GSDMB: variants seen among roughly 807,000 people sequenced by gnomAD.
GSDMB encodes the protein gasdermin B.
A neutral mutation model predicts 42.9 loss-of-function variants in GSDMB; 32 were observed. The ratio of observed to expected loss-of-function variants is 0.75; its 90% CI spans 0.56 to 1.00. GSDMB has a LOEUF of 1.00. Among genes scored for constraint, GSDMB ranks in the 50% least tolerant of loss-of-function variants. GSDMB has a pLI of 0.00. For missense variants in GSDMB, 468 were observed against 498.5 expected (o/e 0.94, Z 0.58); for synonymous variants, 175 against 193.7 (o/e 0.90, Z 0.80).
chr17:39,906,280 GC>G lies in GSDMB; in HGVS notation c.728-10del, dbSNP rs753388352. On this transcript the variant is annotated splice_polypyrimidine_tract_variant and intron_variant, in intron 7 of 10. Coordinates refer to ENST00000418519, the MANE Select transcript of GSDMB (RefSeq NM_001165958.2). Reference sequence around the variant, plus strand: ...CGAACCCAAAGACTTTCCTGTAGAGGCAGCAATTGAGAACCTGGGCCACCCA... The same window carrying G: ...CGAACCCAAAGACTTTCCTGTAGAGGAGCAATTGAGAACCTGGGCCACCCA... The G allele has an allele frequency of 2.4e-5, 38 of 1,613,350 alleles. No homozygotes were observed. The highest frequency in any genetic ancestry group is 3.1e-5 in the Non-Finnish European group (36 of 1,179,760).
Position 39,909,928 on chromosome 17 carries a change from G to A in GSDMB, c.408-4C>T, listed in dbSNP as rs749260029. 125 of 1,608,202 alleles carry A rather than the reference G, an allele frequency of 7.8e-5. No homozygotes were observed. The highest frequency in any genetic ancestry group is 1.0e-4 in the Non-Finnish European group (122 of 1,175,226). On this transcript the variant is annotated splice_region_variant and splice_polypyrimidine_tract_variant and intron_variant, in intron 3 of 10. Coordinates refer to ENST00000418519, the MANE Select transcript of GSDMB (RefSeq NM_001165958.2). The stretch of plus-strand genomic sequence containing the variant: ...GGGTAGTTCCCTCTTCAGCTTCCTG[G>A]AGAGAGTGGAGAGAGATGAGAGTTA...
At position 39,906,572 on chromosome 17, in the gene GSDMB, C is replaced by T. The variant is rs2063508497; in HGVS notation, c.728-301G>A. On this transcript the variant is annotated intron_variant, in intron 7 of 10. Transcript: ENST00000418519. ...TATTTGGCCCTTGCCATTCAAAGTG[C>T]AGTCCTCAGGCCACACTAGAAGTAA... 2.2e-6 allele frequency: 3 copies of T among 1,346,278 alleles called. No individual in the cohort carries two copies. The African/African-American group carries it at 4.4e-5, about 20-fold the overall frequency. 83.4% of individuals were successfully genotyped at this position (1,346,278 alleles called of 1,614,324 possible).
Position 39,917,066 on chromosome 17 carries a change from T to C in GSDMB, c.235+16A>G, listed in dbSNP as rs371402792. 93 of 1,574,314 alleles carry C rather than the reference T, an allele frequency of 5.9e-5. No individual in the cohort carries two copies. Among genetic ancestry groups the C allele is most frequent in the Non-Finnish European group, 7.8e-5 (89 of 1,144,342 alleles). On this transcript the variant is annotated intron_variant, in intron 2 of 10. Coordinates refer to ENST00000418519, the MANE Select transcript of GSDMB (RefSeq NM_001165958.2). ...AGGCCTCCTGGCTGGCCACCTGTCA[T>C]CTACCTTATACTGACCTTGGAGCCC... is the stretch of plus-strand genomic sequence containing the variant.
At position 39,907,005 on chromosome 17, in the gene GSDMB, G is replaced by A. The variant is rs773691649; in HGVS notation, c.701-18C>T. 13 of 1,613,654 alleles carry A rather than the reference G, an allele frequency of 8.1e-6. No homozygotes were observed. Among genetic ancestry groups the A allele is most frequent in the African/African-American group, 1.3e-5 (1 of 74,914 alleles). ...ATCCTTCTCTGCAGAGAGAGGAAGA[G>A]TTATTTCAGAATCTTCAGATCACCT... On this transcript the variant is annotated intron_variant, in intron 6 of 10. Transcript: ENST00000418519.
chr17:39,906,570 T>A, intron 7 of GSDMB: 1 of 1,349,098 alleles, frequency 7.4e-7, no homozygotes, highest in Non-Finnish European at 9.5e-7. Context: ...CCATTCAAAG[T>A]GCAGTCCTCA....
Position 39,905,407 on chromosome 17 carries a change from T to G in GSDMB, c.1098+19A>C. The G allele has an allele frequency of 6.4e-7, 1 of 1,568,884 alleles. No homozygotes were observed. The highest frequency in any genetic ancestry group is 2.2e-5 in the East Asian group (1 of 44,540). ...TTCCCTTCCACTATGACCATGGCCC[T>G]CAGCCCAGGCTGTCTCACCTGGTCC... On this transcript the variant is annotated intron_variant, in intron 10 of 10. Transcript: ENST00000418519.
chr17:39,910,451 G>C (rs1409053474), intron 3 of GSDMB, among the ~76,000 whole-genome samples: 4 of 152,190 alleles, frequency 2.6e-5, no homozygotes, highest in Non-Finnish European at 5.9e-5. Flanking sequence ...GCAGAATTAC[G>C]TCCACTTTCC....
chr17:39,909,707 G>C (rs755292533), intron 4 of GSDMB, 49 bp downstream of exon 4: 35 of 1,521,644 alleles, frequency 2.3e-5, no homozygotes, highest in Non-Finnish European at 3.0e-5. Flanking sequence ...GACCTGCGGG[G>C]TGTGGGCCAA....
In GSDMB at chr17:39,912,081, G is replaced by A. The variant is rs149142005; in HGVS notation, c.407+245C>T. ...CTGGAGACTGCTCCTGGGTGAATGA[G>A]AAGGCTTCTGGAGGCAGAGAAGAGG... On this transcript the variant is annotated intron_variant, in intron 3 of 10. Coordinates refer to ENST00000418519, the MANE Select transcript of GSDMB (RefSeq NM_001165958.2). Among the ~76,000 whole-genome samples the A allele has an allele frequency of 5.7e-3, 863 of 152,214 alleles. 13 individuals are homozygous for A. Among genetic ancestry groups the A allele is most frequent in the African/African-American group, 0.019 (787 of 41,550 alleles).
intron 3 of GSDMB, among the ~76,000 whole-genome samples, chr17:39,910,323 C>A (rs2063585460): frequency 1.3e-5 from 2 of 152,024 alleles, no homozygotes; most frequent in African/African-American, 4.8e-5. Flanking sequence ...GACTCCACCT[C>A]AAAACAAATA....
chr17:39,916,559 G>T (rs143333604), intron 2 of GSDMB, among the ~76,000 whole-genome samples: 1 of 151,966 alleles, frequency 6.6e-6, no homozygotes, highest in African/African-American at 2.4e-5. Flanking sequence ...CAAAGTGCTG[G>T]GATTACAGGA....
chr17:39,905,107 G>T, intron 10 of GSDMB, 143 bp from the exon 11 acceptor site: 1 of 722,862 alleles, frequency 1.4e-6, no homozygotes. Flanking sequence ...AGCCCGGAGA[G>T]CTTCATACTC....
At chr17:39,908,324 C>CAAA (rs3076830) in intron 5 of GSDMB, 110 bp from the exon 6 acceptor site, 8,364 of 245,496 alleles carry the variant, frequency 0.034, 1,043 homozygotes, top group African/African-American at 0.23. Flanking sequence ...AGCCTCCAAT[C>CAAA]AAAAAAAAAA....
Position 39,904,611 on chromosome 17 carries a change from G to T in GSDMB, c.*201C>A, listed in dbSNP as rs1256703593. 4 of 500,228 alleles carry T rather than the reference G, an allele frequency of 8.0e-6. No individual in the cohort carries two copies. The highest frequency in any genetic ancestry group is 3.6e-5 in the Admixed American group (1 of 27,442). 31.0% of individuals were successfully genotyped at this position (500,228 alleles called of 1,614,324 possible). On this transcript the variant is annotated 3_prime_UTR_variant, in exon 11 of 11. Coordinates refer to ENST00000418519, the MANE Select transcript of GSDMB (RefSeq NM_001165958.2). ...AAGACAAAATTAACATGCACAACCT[G>T]CCACTTTTAATCAGAAGTCCATGTA... is the stretch of plus-strand genomic sequence containing the variant.
chr17:39,916,261 C>T (rs1004142649), intron 2 of GSDMB, among the ~76,000 whole-genome samples: 4 of 148,198 alleles, frequency 2.7e-5, no homozygotes, highest in African/African-American at 7.5e-5. Flanking sequence ...AAATGATTCA[C>T]GTAATTTGTT....
chr17:39,904,833 C>T lies in GSDMB; in HGVS notation c.1230G>A (p.Gly410=), dbSNP rs776028728. ...VVSILLELAE[G]PTSVSS is the part of the protein sequence containing the mutation. ...GTAGTTAGGAAGAGACAGAGGTAGG[C>T]CCCTCAGCCAGCTCCAGCAGGATAG... The change falls in exon 11 of 11, where the codon GGG becomes GGA. Residue 410 remains glycine, a synonymous_variant. Coordinates refer to ENST00000418519, the MANE Select transcript of GSDMB (RefSeq NM_001165958.2). 3.1e-6 allele frequency: 5 copies of T among 1,613,822 alleles called. No homozygotes were observed. The highest frequency in any genetic ancestry group is 2.2e-5 in the South Asian group (2 of 91,074).
chr17:39,905,766 C>T (rs1208064348), intron 9 of GSDMB, 81 bp downstream of exon 9: 5 of 1,453,128 alleles, frequency 3.4e-6, no homozygotes, highest in Admixed American at 1.8e-5. Context: ...ACATGCAGCC[C>T]CTCCTCCCAA....
chr17:39,914,962 G>A (rs1373050035), intron 2 of GSDMB, among the ~76,000 whole-genome samples: 5 of 151,220 alleles, frequency 3.3e-5, no homozygotes, highest in Admixed American at 1.3e-4. Context: ...TCAGCCTCCC[G>A]AGTAGCTGGG....
intron 6 of GSDMB, 64 bp from the exon 7 acceptor site, chr17:39,907,051 C>T: frequency 6.2e-7 from 1 of 1,611,104 alleles, no homozygotes; most frequent in East Asian, 2.2e-5. Context: ...GCAGACTTCT[C>T]TTCCCAGTGA....
Sources: gnomAD v4.1 joint callset for allele counts (sites outside exome capture counted in the v4.1 genomes callset) on GRCh38, gnomAD v4.1.1 for gene constraint, MANE v1.5 for transcripts, NCBI Gene and HGNC (gene_info 2026-07-23, HGNC 2026-07-21) for gene names.